The following RANBP2 variants were observed in gnomAD, a reference collection of about 807,000 sequenced individuals.
RANBP2 encodes RAN binding protein 2.
RANBP2 carries 57 observed loss-of-function variants against 303.6 expected under a neutral mutation model. That is an observed-to-expected ratio of 0.19 (90% confidence interval 0.15 to 0.23). The LOEUF is 0.23. Ranked by LOEUF, RANBP2 falls within the 10% of genes least tolerant of loss-of-function variation. The pLI is 1.00. For synonymous variants in RANBP2, 1,167 were observed against 1,301.5 expected (o/e 0.90, Z 2.23); for missense variants, 3,138 against 3,780.8 (o/e 0.83, Z 4.46).
At chr2:109,178,938 A>G in the RANBP2 span, among the ~76,000 whole-genome samples, 3 of 151,774 alleles carry the variant, frequency 2.0e-5, no homozygotes, top group Non-Finnish European at 4.4e-5. Context: ...AAGATATTCA[A>G]ATTAACTTTT....
chr2:109,012,617 T>A, the RANBP2 span, among the ~76,000 whole-genome samples: 96,541 of 127,048 alleles, frequency 0.76, 34,030 homozygotes, highest in Non-Finnish European at 0.84. Context: ...GAAAAAAAAA[T>A]TTTTAAACTT....
At chr2:109,730,208 G>A in the RANBP2 span, among the ~76,000 whole-genome samples, 5 of 152,206 alleles carry the variant, frequency 3.3e-5, no homozygotes, top group Non-Finnish European at 4.4e-5. Flanking sequence ...TCACTTTGAG[G>A]AAAGGTTCAG....
the RANBP2 span, among the ~76,000 whole-genome samples, chr2:109,012,649 T>C: frequency 5.9e-5 from 9 of 152,308 alleles, no homozygotes; most frequent in South Asian, 8.3e-4. Context: ...GCGCGGTGGC[T>C]CACGCCTGTA....
the RANBP2 span, among the ~76,000 whole-genome samples, chr2:109,047,261 G>A: frequency 1.3e-5 from 2 of 152,192 alleles, no homozygotes; most frequent in African/African-American, 4.8e-5. Context: ...CCCCACTGCT[G>A]TGCAACAGCT....
At chr2:108,885,335 G>C in the RANBP2 span, 3 of 152,200 alleles carry the variant, frequency 2.0e-5, no homozygotes, top group Non-Finnish European at 4.4e-5. Flanking sequence ...GAGAGAAAAA[G>C]TTATTGAGCA....
the RANBP2 span, among the ~76,000 whole-genome samples, chr2:109,416,598 T>A: frequency 6.6e-6 from 1 of 151,604 alleles, no homozygotes; most frequent in African/African-American, 2.4e-5. Context: ...TTGACCAGGC[T>A]GGTCTCAAAC....
chr2:109,353,070 T>C, the RANBP2 span, among the ~76,000 whole-genome samples: 88 of 152,352 alleles, frequency 5.8e-4, no homozygotes, highest in African/African-American at 2.0e-3. Flanking sequence ...CTCTCAAATC[T>C]GTGCCACATG....
chr2:109,045,396 A>T, the RANBP2 span, among the ~76,000 whole-genome samples: 1 of 152,222 alleles, frequency 6.6e-6, no homozygotes, highest in Non-Finnish European at 1.5e-5. Flanking sequence ...CTTTTCCCGT[A>T]AGAGCTGGGC....
chr2:109,423,533 C>A, the RANBP2 span, among the ~76,000 whole-genome samples: 1 of 152,208 alleles, frequency 6.6e-6, no homozygotes, highest in Non-Finnish European at 1.5e-5. Flanking sequence ...ATTCACAGAA[C>A]AGGCTGGTGC....
At chr2:109,201,422 A>G in the RANBP2 span, among the ~76,000 whole-genome samples, 2 of 152,216 alleles carry the variant, frequency 1.3e-5, no homozygotes, top group Admixed American at 1.3e-4. Flanking sequence ...GTCTCCAGGC[A>G]CACATCCAGG....
At chr2:109,612,920 C>T in the RANBP2 span, among the ~76,000 whole-genome samples, 1 of 152,354 alleles carries the variant, frequency 6.6e-6, no homozygotes, top group African/African-American at 2.4e-5. Flanking sequence ...ACTGTTTCTA[C>T]AATTTAAACT....
chr2:109,720,289 A>G, the RANBP2 span, among the ~76,000 whole-genome samples: 2 of 144,542 alleles, frequency 1.4e-5, no homozygotes, highest in Admixed American at 1.4e-4. Flanking sequence ...TCACACACAC[A>G]CACACATATA....
At chr2:109,067,421 G>A in the RANBP2 span, among the ~76,000 whole-genome samples, 26 of 152,152 alleles carry the variant, frequency 1.7e-4, no homozygotes, top group Non-Finnish European at 3.1e-4. Flanking sequence ...TCGCAGCCCC[G>A]CCTGTGCTGT....
At chr2:109,713,433 G>A in the RANBP2 span, among the ~76,000 whole-genome samples, 1 of 152,122 alleles carries the variant, frequency 6.6e-6, no homozygotes, top group South Asian at 2.1e-4. Context: ...GGCCAGCAAG[G>A]GCTGAGTGTC....
rs549040513 is a variant in RANBP2, at chr2:108,735,081, A to G, written c.406-451A>G. Among the ~76,000 whole-genome samples the G allele has an allele frequency of 2.3e-4, 35 of 152,224 alleles. No homozygotes were observed. In the South Asian group the frequency reaches 7.1e-3, roughly 31 times the overall value. ...GTTATCCTGAGATGATACTGTCTTCATTTAAGGTCAGGAGGTGATGACAGT... is the reference window on the plus strand; with the variant it reads ...GTTATCCTGAGATGATACTGTCTTCGTTTAAGGTCAGGAGGTGATGACAGT... On this transcript the variant is annotated intron_variant, in intron 4 of 28. Coordinates refer to ENST00000283195, the MANE Select transcript of RANBP2 (RefSeq NM_006267.5).
chr2:109,466,865 G>A, the RANBP2 span, among the ~76,000 whole-genome samples: 1 of 152,084 alleles, frequency 6.6e-6, no homozygotes. Flanking sequence ...ATGTGCATGT[G>A]TGTATATGTT....
chr2:108,765,064 A>C lies in RANBP2; in HGVS notation c.4525A>C (p.Ser1509Arg). The C allele has an allele frequency of 6.2e-7, 1 of 1,614,028 alleles. No homozygotes were observed. Among genetic ancestry groups the C allele is most frequent in the South Asian group, 1.1e-5 (1 of 91,080 alleles). Residue 1509 changes from serine (S) to arginine (R), a missense_variant, in exon 20 of 29, where the codon AGT becomes CGT. Coordinates refer to ENST00000283195, the MANE Select transcript of RANBP2 (RefSeq NM_006267.5). ...CAACQNPRKQ[S>R]LPATSIPTPA... ...TGCTTGTCAGAATCCGAGAAAACAGAGTCTACCTGCTACTTCTATTCCAAC... is the reference window on the plus strand; with the variant it reads ...TGCTTGTCAGAATCCGAGAAAACAGCGTCTACCTGCTACTTCTATTCCAAC...
the RANBP2 span, among the ~76,000 whole-genome samples, chr2:108,957,400 T>C: frequency 6.6e-6 from 1 of 152,236 alleles, no homozygotes; most frequent in Non-Finnish European, 1.5e-5. Flanking sequence ...TGACATCTGT[T>C]TGGGCATATC....
At chr2:109,016,571 A>G in the RANBP2 span, among the ~76,000 whole-genome samples, 1 of 152,190 alleles carries the variant, frequency 6.6e-6, no homozygotes, top group African/African-American at 2.4e-5. Context: ...TCCCGAGGTT[A>G]GCATGTTTCC....
Sources: gnomAD v4.1 joint callset for allele counts (sites outside exome capture counted in the v4.1 genomes callset) on GRCh38, gnomAD v4.1.1 for gene constraint, MANE v1.5 for transcripts, NCBI Gene and HGNC (gene_info 2026-07-23, HGNC 2026-07-21) for gene names.